Variants in JPH1 observed in about 807,000 individuals in gnomAD.
The protein encoded by JPH1 is junctophilin 1.
Under a neutral mutation model 53.6 loss-of-function variants are expected in JPH1, and 12 were observed. The ratio of observed to expected loss-of-function variants is 0.22; its 90% CI spans 0.14 to 0.36. JPH1 has a LOEUF of 0.36. JPH1 is among the 10% of genes least tolerant of loss of function. JPH1 has a pLI of 1.00. For missense variants in JPH1, 808 were observed against 905.5 expected, an observed-to-expected ratio of 0.89 and a Z score of 1.38; for synonymous variants, 375 against 363.8, an observed-to-expected ratio of 1.03 and a Z score of -0.35.
At chr8:74,314,806 G>C in intron 2 of JPH1, 55 bp downstream of exon 2, 22 of 1,573,044 alleles carry the variant, frequency 1.4e-5, no homozygotes, top group Non-Finnish European at 1.9e-5. Context: ...CATAATATTT[G>C]ATACTCCATT....
At chr8:74,309,885 G>A (rs1220404982) in intron 2 of JPH1, among the ~76,000 whole-genome samples, 1 of 152,142 alleles carries the variant, frequency 6.6e-6, no homozygotes, top group African/African-American at 2.4e-5. Flanking sequence ...TGAAATTGGG[G>A]ACTTTCTGTC....
chr8:74,270,940 C>T (rs1391345904), intron 2 of JPH1, among the ~76,000 whole-genome samples: 1 of 152,110 alleles, frequency 6.6e-6, no homozygotes, highest in Non-Finnish European at 1.5e-5. Context: ...GATGGATGGA[C>T]TCCTGCTGCA....
At chr8:74,266,612 T>C (rs969398617) in intron 2 of JPH1, among the ~76,000 whole-genome samples, 2 of 152,186 alleles carry the variant, frequency 1.3e-5, no homozygotes, top group Non-Finnish European at 2.9e-5. Context: ...TTCTGAAGAT[T>C]GGTTGCACAG....
chr8:74,265,735 A>G (rs565935107), intron 2 of JPH1, among the ~76,000 whole-genome samples: 2 of 152,334 alleles, frequency 1.3e-5, no homozygotes, highest in East Asian at 1.9e-4. Context: ...ATAAGGGGTT[A>G]GTATCTAGAA....
intron 2 of JPH1, among the ~76,000 whole-genome samples, chr8:74,299,600 G>C (rs1215786988): frequency 5.9e-5 from 9 of 152,100 alleles, no homozygotes; most frequent in Admixed American, 5.9e-4. Flanking sequence ...ACCCACTCTG[G>C]CTCGGGTGGC....
intron 2 of JPH1, among the ~76,000 whole-genome samples, chr8:74,299,330 T>G (rs1807609085): frequency 1.3e-5 from 2 of 152,216 alleles, no homozygotes; most frequent in South Asian, 4.1e-4. Flanking sequence ...AGCCTAAAGC[T>G]GCCTCCTTAC....
intron 2 of JPH1, among the ~76,000 whole-genome samples, chr8:74,285,114 C>T (rs948570459): frequency 1.4e-4 from 21 of 152,032 alleles, no homozygotes; most frequent in Non-Finnish European, 2.4e-4. Context: ...TGAGCCACTG[C>T]GCCTAGCCTA....
intron 2 of JPH1, among the ~76,000 whole-genome samples, chr8:74,304,664 G>A (rs112215150): frequency 1.3e-5 from 2 of 152,236 alleles, no homozygotes; most frequent in Non-Finnish European, 2.9e-5. Flanking sequence ...CATTGATAGG[G>A]TTTCTAGACC....
chr8:74,309,926 A>G (rs1807942641), intron 2 of JPH1, among the ~76,000 whole-genome samples: 1 of 152,106 alleles, frequency 6.6e-6, no homozygotes, highest in Admixed American at 6.5e-5. Flanking sequence ...TGCTTATTAT[A>G]TTTTCTAGAA....
chr8:74,284,556 G>A lies in JPH1; in HGVS notation c.1140-25053C>T, dbSNP rs184889854. Among the ~76,000 whole-genome samples the A allele has an allele frequency of 1.1e-4, 17 of 152,120 alleles. No individual in the cohort carries two copies. The East Asian group carries it at 1.7e-3, about 16-fold the overall frequency. The stretch of plus-strand genomic sequence containing the variant: ...TGCTGACACACCAATTAAAAAAAGC[G>A]TCTCCATTATTGAAACAGCCTTTCC... On this transcript the variant is annotated intron_variant, in intron 2 of 5. Coordinates refer to ENST00000342232, the MANE Select transcript of JPH1 (RefSeq NM_020647.4).
intron 2 of JPH1, among the ~76,000 whole-genome samples, chr8:74,294,228 T>C (rs1807431974): frequency 6.6e-6 from 1 of 152,166 alleles, no homozygotes; most frequent in African/African-American, 2.4e-5. Context: ...GAAGATAAAG[T>C]TCCCCACGTG....
At chr8:74,238,901 T>C (rs1223138629) in intron 4 of JPH1, among the ~76,000 whole-genome samples, 1 of 152,196 alleles carries the variant, frequency 6.6e-6, no homozygotes. Context: ...TAAGCGATCC[T>C]GCCACCTTGG....
At chr8:74,298,744 T>C (rs1807589843) in intron 2 of JPH1, among the ~76,000 whole-genome samples, 1 of 152,202 alleles carries the variant, frequency 6.6e-6, no homozygotes, top group Non-Finnish European at 1.5e-5. Context: ...TCCACCACTT[T>C]CCTAACTTTC....
intron 2 of JPH1, among the ~76,000 whole-genome samples, chr8:74,296,045 C>CACACACACACACACACACACACACACA (rs3221275): frequency 6.6e-6 from 1 of 151,874 alleles, no homozygotes; most frequent in African/African-American, 2.4e-5. Flanking sequence ...CACACACACA[C>CACACACACACACACACACACACACACA]GGAGTATTGG....
intron 2 of JPH1, among the ~76,000 whole-genome samples, chr8:74,305,272 C>T (rs996487229): frequency 5.5e-4 from 84 of 152,310 alleles, no homozygotes; most frequent in African/African-American, 1.7e-3. Context: ...CAGGGTGCTT[C>T]GGCTGCCTGG....
At chr8:74,272,597 G>GTTCTT (rs1331345049) in intron 2 of JPH1, among the ~76,000 whole-genome samples, 13 of 136,068 alleles carry the variant, frequency 9.6e-5, no homozygotes, top group Non-Finnish European at 1.9e-4. Context: ...TGGACCCTTA[G>GTTCTT]TTCTTTTTTT....
chr8:74,278,848 G>C (rs1282613445), intron 2 of JPH1, among the ~76,000 whole-genome samples: 1 of 152,146 alleles, frequency 6.6e-6, no homozygotes. Context: ...GACTCTGGCA[G>C]ACCACTTAAA....
rs117957150 is a variant in JPH1 at position 74,288,828 on chromosome 8, C to G, written c.1139+26033G>C. Among the ~76,000 whole-genome samples the G allele has an allele frequency of 1.9e-3, 296 of 152,328 alleles. 5 individuals carry two copies. In the South Asian group the frequency reaches 0.022, roughly 11 times the overall value. ...TACTAAATAAACAGAAGGTGTGAAA[C>G]CACAGACTTATGTAACTGTAACAGT... On this transcript the variant is annotated intron_variant, in intron 2 of 5. Coordinates refer to ENST00000342232, the MANE Select transcript of JPH1 (RefSeq NM_020647.4).
rs140836724 is a variant in JPH1 at position 74,284,885 on chromosome 8, C to T, written c.1140-25382G>A. 9.7e-3 allele frequency among the ~76,000 whole-genome samples: 1,456 copies of T among 149,516 alleles called. 20 individuals are homozygous for T. Among genetic ancestry groups the T allele is most frequent in the African/African-American group, 0.034 (1,382 of 40,384 alleles). On this transcript the variant is annotated intron_variant, in intron 2 of 5. Coordinates refer to ENST00000342232, the MANE Select transcript of JPH1 (RefSeq NM_020647.4). ...TGTCACCCAGGCTGGAATGCAGTGG[C>T]GCAATCTCGGCTCACTGCAACCTCT... is the stretch of plus-strand genomic sequence containing the variant.
Sources: allele counts gnomAD v4.1 joint callset (sites outside exome capture counted in the v4.1 genomes callset), GRCh38; gene constraint gnomAD v4.1.1; transcripts MANE v1.5; gene names NCBI Gene and HGNC (gene_info 2026-07-23, HGNC 2026-07-21).